H2AC14: variants seen among roughly 807,000 people sequenced by gnomAD.
H2AC14 encodes histone cluster 1, H2aj.
Under a neutral mutation model 5.7 loss-of-function variants are expected in H2AC14, and 6 were observed. That is an observed-to-expected ratio of 1.05 (90% CI 0.57 to 2.07). The LOEUF (loss-of-function observed/expected upper bound fraction) is 2.07, where lower values mean the gene tolerates loss of function less well. Ranked by LOEUF, H2AC14 falls within the 30% of genes most tolerant of loss-of-function variation. The probability of loss-of-function intolerance (pLI) is 0.00; values close to 1 mark genes in which losing one functional copy is unlikely to be tolerated. For missense variants in H2AC14, 136 were observed against 174.6 expected (o/e 0.78, Z 1.25); for synonymous variants, 121 against 79.3 (o/e 1.53, Z -2.80).
chr6:27,814,597 C>G lies in H2AC14; in HGVS notation c.144G>C (p.Ala48=). 3 of 1,592,488 alleles carry G rather than the reference C, an allele frequency of 1.9e-6. No homozygotes were observed. The highest frequency in any genetic ancestry group is 1.7e-6 in the Non-Finnish European group (2 of 1,167,238). The change falls in exon 1 of 1, where the codon GCG becomes GCC. Residue 48 remains alanine (A), a synonymous_variant. Transcript: ENST00000333151. Reference sequence around the variant, plus strand: ...CCAGCACCGCCGCCAGGTACACCGGCGCTCCAGCACCGACCCGCTCCGCAT... The same window carrying G: ...CCAGCACCGCCGCCAGGTACACCGGGGCTCCAGCACCGACCCGCTCCGCAT... The part of the protein sequence containing the change: ...GNYAERVGAG[A]PVYLAAVLEY...
rs568705967 is a variant in H2AC14 at position 27,814,766 on chromosome 6, T to C, written c.-26A>G. ...GGCAAAAGGTCTATTACCTTTACGGTCAAGAAAGACTGAAATGAAATTGGA... is the reference window on the plus strand; with the variant it reads ...GGCAAAAGGTCTATTACCTTTACGGCCAAGAAAGACTGAAATGAAATTGGA... On this transcript the variant is annotated 5_prime_UTR_variant, in exon 1 of 1. Transcript: ENST00000333151. The C allele has an allele frequency of 1.3e-6, 2 of 1,525,048 alleles. No homozygotes were observed. Among genetic ancestry groups the C allele is most frequent in the Non-Finnish European group, 1.8e-6 (2 of 1,138,930 alleles). 94.5% of individuals were successfully genotyped at this position (1,525,048 alleles called of 1,614,324 possible). A position where few individuals can be genotyped will look rare whatever the true frequency, so the allele number is the denominator to read the frequency against.
In H2AC14 at chr6:27,814,314, GA is replaced by G; in HGVS notation, c.*39del. The G allele has an allele frequency of 6.2e-7, 1 of 1,600,944 alleles. No individual in the cohort carries two copies. The highest frequency in any genetic ancestry group is 8.5e-7 in the Non-Finnish European group (1 of 1,173,228). On this transcript the variant is annotated 3_prime_UTR_variant, in exon 1 of 1. Coordinates refer to ENST00000333151, the MANE Select transcript of H2AC14 (RefSeq NM_021066.3). ...TTTTTATGATTGTTGAAGTGGCTCTGAAAAGAGCCTTTGTTTTTATGCGCTT... is the reference window on the plus strand; with the variant it reads ...TTTTTATGATTGTTGAAGTGGCTCTGAAAGAGCCTTTGTTTTTATGCGCTT...
At position 27,814,636 on chromosome 6, in the gene H2AC14, G is replaced by A; in HGVS notation, c.105C>T (p.Leu35=). Residue 35 remains leucine, a synonymous_variant, in exon 1 of 1, where the codon CTC becomes CTT. Coordinates refer to ENST00000333151, the MANE Select transcript of H2AC14 (RefSeq NM_021066.3). ...CCCGCTCCGCATAGTTGCCTTTGCG[G>A]AGCAGGCGATGCACTCGGCCTACGG... ...QFPVGRVHRL[L]RKGNYAERVG... 1 of 1,557,676 alleles carries A rather than the reference G, an allele frequency of 6.4e-7. No individual in the cohort carries two copies. The highest frequency in any genetic ancestry group is 2.3e-5 in the East Asian group (1 of 44,364).
In H2AC14 at chr6:27,814,310, C is replaced by G. The variant is rs545258692; in HGVS notation, c.*44G>C. On this transcript the variant is annotated 3_prime_UTR_variant, in exon 1 of 1. Transcript: ENST00000333151. ...CATCTTTTTATGATTGTTGAAGTGG[C>G]TCTGAAAAGAGCCTTTGTTTTTATG... The G allele has an allele frequency of 1.3e-6, 2 of 1,596,556 alleles. No homozygotes were observed. Among genetic ancestry groups the G allele is most frequent in the Non-Finnish European group, 1.7e-6 (2 of 1,171,164 alleles).
At position 27,814,478 on chromosome 6, in the gene H2AC14, A is replaced by G. The variant is rs1206404207; in HGVS notation, c.263T>C (p.Ile88Thr). The G allele has an allele frequency of 1.9e-6, 3 of 1,613,422 alleles. No individual in the cohort carries two copies. The highest frequency in any genetic ancestry group is 4.5e-5 in the East Asian group (2 of 44,854). ...RIIPRHLQLA[I>T]RNDEELNKLL... Reference sequence around the variant, plus strand: ...CTTGTTGAGCTCCTCATCGTTGCGGATGGCCAGCTGGAGGTGACGCGGGAT... The same window carrying G: ...CTTGTTGAGCTCCTCATCGTTGCGGGTGGCCAGCTGGAGGTGACGCGGGAT... Residue 88 changes from isoleucine to threonine, a missense_variant, in exon 1 of 1, where the codon ATC (isoleucine) becomes ACC (threonine). Ile to Thr is a moderately conservative substitution (Grantham distance 89, BLOSUM62 -1). This residue lies in a region of H2AC14 where 100 missense variants were observed against 152.3 expected (regional missense o/e 0.66). Coordinates refer to ENST00000333151, the MANE Select transcript of H2AC14 (RefSeq NM_021066.3).
chr6:27,814,566 G>C lies in H2AC14; in HGVS notation c.175C>G (p.Leu59Val). ...PVYLAAVLEYLTAEILELAGN... is the reference protein window; with the variant it reads ...PVYLAAVLEYVTAEILELAGN... Reference sequence around the variant, plus strand: ...GCCAGCTCCAGGATCTCGGCGGTCAGGTACTCCAGCACCGCCGCCAGGTAC... The same window carrying C: ...GCCAGCTCCAGGATCTCGGCGGTCACGTACTCCAGCACCGCCGCCAGGTAC... The change falls in exon 1 of 1, where the codon CTG becomes GTG. Residue 59 changes from leucine to valine, a missense_variant. By Grantham distance (32) the Leu-to-Val change is conservative. Transcript: ENST00000333151. 1 of 1,605,900 alleles carries C rather than the reference G, an allele frequency of 6.2e-7. No individual in the cohort carries two copies. The highest frequency in any genetic ancestry group is 8.5e-7 in the Non-Finnish European group (1 of 1,174,334).
rs1760619819 is a variant in H2AC14 at position 27,814,646 on chromosome 6, T to C, written c.95A>G (p.His32Arg). 1.3e-6 allele frequency: 2 copies of C among 1,548,892 alleles called. No homozygotes were observed. The highest frequency in any genetic ancestry group is 1.7e-6 in the Non-Finnish European group (2 of 1,149,592). Reference sequence around the variant, plus strand: ...ATAGTTGCCTTTGCGGAGCAGGCGATGCACTCGGCCTACGGGAAACTGAAG... The same window carrying C: ...ATAGTTGCCTTTGCGGAGCAGGCGACGCACTCGGCCTACGGGAAACTGAAG... ...AGLQFPVGRV[H>R]RLLRKGNYAE... The change falls in exon 1 of 1, where the codon CAT (histidine) becomes CGT (arginine). Residue 32 changes from histidine to arginine, a missense_variant. His to Arg is a conservative substitution (Grantham distance 29). Transcript: ENST00000333151.
chr6:27,814,411 G>C lies in H2AC14; in HGVS notation c.330C>G (p.Pro110=). 4 of 1,614,166 alleles carry C rather than the reference G, an allele frequency of 2.5e-6. No homozygotes were observed. Among genetic ancestry groups the C allele is most frequent in the Non-Finnish European group, 2.5e-6 (3 of 1,180,034 alleles). Residue 110 remains proline, a synonymous_variant, in exon 1 of 1, where the codon CCC becomes CCG. Coordinates refer to ENST00000333151, the MANE Select transcript of H2AC14 (RefSeq NM_021066.3). ...TTGGCAGCAGCACGGCCTGGATGTT[G>C]GGCAGGACGCCACCCTGTGCGATGG... ...KVTIAQGGVL[P]NIQAVLLPKK...
At position 27,814,690 on chromosome 6, in the gene H2AC14, G is replaced by A. The variant is rs558817017; in HGVS notation, c.51C>T (p.Thr17=). The change falls in exon 1 of 1, where the codon ACC becomes ACT. Residue 17 remains threonine (T), a synonymous_variant. Coordinates refer to ENST00000333151, the MANE Select transcript of H2AC14 (RefSeq NM_021066.3). The part of the protein sequence containing the change: ...QGGKARAKAK[T]RSSRAGLQFP... ...ACTGAAGCCCGGCCCGAGAAGAGCG[G>A]GTCTTGGCCTTGGCGCGAGCTTTGC... 5.9e-5 allele frequency: 92 copies of A among 1,558,486 alleles called. No homozygotes were observed. The highest frequency in any genetic ancestry group is 5.6e-4 in the South Asian group (46 of 81,762).
Position 27,814,408 on chromosome 6 carries a change from G to A in H2AC14, c.333C>T (p.Asn111=), listed in dbSNP as rs1760612664. The A allele has an allele frequency of 1.2e-6, 2 of 1,614,216 alleles. No homozygotes were observed. The highest frequency in any genetic ancestry group is 8.5e-7 in the Non-Finnish European group (1 of 1,180,042). The change falls in exon 1 of 1, where the codon AAC becomes AAT. Residue 111 remains asparagine, a synonymous_variant. Transcript: ENST00000333151. The stretch of plus-strand genomic sequence containing the variant: ...TCTTTGGCAGCAGCACGGCCTGGAT[G>A]TTGGGCAGGACGCCACCCTGTGCGA... ...VTIAQGGVLP[N]IQAVLLPKKT... is the part of the protein sequence containing the mutation.
Position 27,814,608 on chromosome 6 carries a change from C to T in H2AC14, c.133G>A (p.Gly45Ser), listed in dbSNP as rs1163182879. ...LRKGNYAERV[G>S]AGAPVYLAAV... Reference sequence around the variant, plus strand: ...GCCAGGTACACCGGCGCTCCAGCACCGACCCGCTCCGCATAGTTGCCTTTG... The same window carrying T: ...GCCAGGTACACCGGCGCTCCAGCACTGACCCGCTCCGCATAGTTGCCTTTG... Residue 45 changes from glycine (G) to serine (S), a missense_variant, in exon 1 of 1, where the codon GGT becomes AGT. Coordinates refer to ENST00000333151, the MANE Select transcript of H2AC14 (RefSeq NM_021066.3). The T allele has an allele frequency of 6.3e-7, 1 of 1,586,350 alleles. No individual in the cohort carries two copies. Among genetic ancestry groups the T allele is most frequent in the African/African-American group, 1.4e-5 (1 of 73,914 alleles).
chr6:27,814,730 C>G lies in H2AC14; in HGVS notation c.11G>C (p.Arg4Pro). 1 of 1,562,652 alleles carries G rather than the reference C, an allele frequency of 6.4e-7. No homozygotes were observed. The highest frequency in any genetic ancestry group is 8.6e-7 in the Non-Finnish European group (1 of 1,156,802). ...GCGAGCTTTGCCTCCCTGCTTACCA[C>G]GCCCAGACATGGCAAAAGGTCTATT... MSG[R>P]GKQGGKARAK... The change falls in exon 1 of 1, where the codon CGT (arginine) becomes CCT (proline). Residue 4 changes from arginine (R) to proline (P), a missense_variant. Arg to Pro is a moderately radical substitution (Grantham distance 103). Transcript: ENST00000333151.
rs1056398811 is a variant in H2AC14, at chr6:27,814,350, G to A, written c.*4C>T. On this transcript the variant is annotated 3_prime_UTR_variant, in exon 1 of 1. Transcript: ENST00000333151. Reference sequence around the variant, plus strand: ...TTGTTTTTATGCGCTTTTCAACTCGGTCTTTACTTAGTCTTGTGGTGGCTC... The same window carrying A: ...TTGTTTTTATGCGCTTTTCAACTCGATCTTTACTTAGTCTTGTGGTGGCTC... 20 of 1,612,752 alleles carry A rather than the reference G, an allele frequency of 1.2e-5. No homozygotes were observed. The highest frequency in any genetic ancestry group is 1.6e-5 in the Non-Finnish European group (19 of 1,179,408).
rs1197550355 is a variant in H2AC14 at position 27,814,375 on chromosome 6, C to G, written c.366G>C (p.Glu122Asp). Residue 122 changes from glutamate (E) to aspartate (D), a missense_variant, in exon 1 of 1, where the codon GAG becomes GAC. Physicochemically the swap from Glu to Asp is conservative, Grantham distance 45 (BLOSUM62 2). Coordinates refer to ENST00000333151, the MANE Select transcript of H2AC14 (RefSeq NM_021066.3). ...GTCTTTACTTAGTCTTGTGGTGGCT[C>G]TCAGTTTTCTTTGGCAGCAGCACGG... is the stretch of plus-strand genomic sequence containing the variant. ...IQAVLLPKKT[E>D]SHHKTK 1 of 1,613,994 alleles carries G rather than the reference C, an allele frequency of 6.2e-7. No homozygotes were observed. Among genetic ancestry groups the G allele is most frequent in the African/African-American group, 1.3e-5 (1 of 74,884 alleles).
chr6:27,814,542 C>G lies in H2AC14; in HGVS notation c.199G>C (p.Ala67Pro). The G allele has an allele frequency of 6.2e-7, 1 of 1,608,836 alleles. No homozygotes were observed. The highest frequency in any genetic ancestry group is 8.5e-7 in the Non-Finnish European group (1 of 1,176,166). The change falls in exon 1 of 1, where the codon GCT (alanine) becomes CCT (proline). Residue 67 changes from alanine to proline, a missense_variant. Physicochemically the swap from Ala to Pro is conservative, Grantham distance 27 (BLOSUM62 -1). Transcript: ENST00000333151. ...TTGTTGTCGCGGGCCGCGTTGCCAG[C>G]CAGCTCCAGGATCTCGGCGGTCAGG... Reference protein sequence around the residue: ...EYLTAEILELAGNAARDNKKT... With the variant: ...EYLTAEILELPGNAARDNKKT...
chr6:27,814,749 G>T lies in H2AC14; in HGVS notation c.-9C>A, dbSNP rs59532390. 1.5e-5 allele frequency: 23 copies of T among 1,541,718 alleles called. No homozygotes were observed. In the South Asian group the frequency reaches 2.8e-4, roughly 19 times the overall value. ...TTACCACGCCCAGACATGGCAAAAG[G>T]TCTATTACCTTTACGGTCAAGAAAG... On this transcript the variant is annotated 5_prime_UTR_variant, in exon 1 of 1. Transcript: ENST00000333151.
chr6:27,814,403 T>A lies in H2AC14; in HGVS notation c.338A>T (p.Gln113Leu), dbSNP rs1760612577. Residue 113 changes from glutamine to leucine, a missense_variant, in exon 1 of 1, where the codon CAG (glutamine) becomes CTG (leucine). By Grantham distance (113) the Gln-to-Leu change is moderately radical (BLOSUM62 -2). Around this residue, in one of 2 missense-constraint regions of H2AC14, gnomAD observed 100 missense variants for 152.3 expected, o/e 0.66. Transcript: ENST00000333151. ...AGTTTTCTTTGGCAGCAGCACGGCC[T>A]GGATGTTGGGCAGGACGCCACCCTG... is the stretch of plus-strand genomic sequence containing the variant. ...IAQGGVLPNI[Q>L]AVLLPKKTES... 1.9e-6 allele frequency: 3 copies of A among 1,614,202 alleles called. No homozygotes were observed. Among genetic ancestry groups the A allele is most frequent in the Non-Finnish European group, 2.5e-6 (3 of 1,180,040 alleles).
chr6:27,814,717 T>C lies in H2AC14; in HGVS notation c.24A>G (p.Gly8=), dbSNP rs144679495. The change falls in exon 1 of 1, where the codon GGA becomes GGG. Residue 8 remains glycine (G), a synonymous_variant. Transcript: ENST00000333151. MSGRGKQ[G]GKARAKAKTR... ...TCTTGGCCTTGGCGCGAGCTTTGCC[T>C]CCCTGCTTACCACGCCCAGACATGG... 312 of 1,565,996 alleles carry C rather than the reference T, an allele frequency of 2.0e-4. 1 individual carries two copies. The highest frequency in any genetic ancestry group is 2.6e-4 in the Non-Finnish European group (305 of 1,157,744).
chr6:27,814,713 T>C lies in H2AC14; in HGVS notation c.28A>G (p.Lys10Glu). The C allele has an allele frequency of 6.4e-7, 1 of 1,565,630 alleles. No homozygotes were observed. Among genetic ancestry groups the C allele is most frequent in the Non-Finnish European group, 8.6e-7 (1 of 1,157,540 alleles). Residue 10 changes from lysine (K) to glutamate (E), a missense_variant, in exon 1 of 1, where the codon AAA (lysine) becomes GAA (glutamate). Transcript: ENST00000333151. MSGRGKQGG[K>E]ARAKAKTRSS... ...CGGGTCTTGGCCTTGGCGCGAGCTT[T>C]GCCTCCCTGCTTACCACGCCCAGAC... is the stretch of plus-strand genomic sequence containing the variant.
Sources: allele counts gnomAD v4.1 joint callset, GRCh38; gene constraint gnomAD v4.1.1; regional missense constraint gnomAD v4.1.1; transcripts MANE v1.5; gene names NCBI Gene and HGNC (gene_info 2026-07-23, HGNC 2026-07-21).